The following AFG1L variants were observed in gnomAD, a reference collection of about 807,000 sequenced individuals.
AFG1L encodes the protein AFG1-like ATPase.
A neutral mutation model predicts 62.2 loss-of-function variants in AFG1L; 53 were observed. That is an observed-to-expected ratio of 0.85 (90% CI 0.68 to 1.07). The LOEUF (loss-of-function observed/expected upper bound fraction) is 1.07, where lower values mean the gene tolerates loss of function less well. AFG1L is among the 50% of genes least tolerant of loss of function. The probability of loss-of-function intolerance (pLI) is 0.00; values close to 1 mark genes in which losing one functional copy is unlikely to be tolerated. For missense variants in AFG1L, 555 were observed against 590.5 expected (o/e 0.94, Z 0.62); for synonymous variants, 228 against 210.3 (o/e 1.08, Z -0.73).
chr6:108,413,874 C>A (rs1389242648), intron 7 of AFG1L, among the ~76,000 whole-genome samples: 1 of 151,876 alleles, frequency 6.6e-6, no homozygotes, highest in Non-Finnish European at 1.5e-5. Flanking sequence ...GAAGCAAGAG[C>A]AAACACATTC....
chr6:108,403,835 GTAAT>G (rs1189275783), intron 7 of AFG1L, among the ~76,000 whole-genome samples: 4 of 151,098 alleles, frequency 2.6e-5, no homozygotes, highest in South Asian at 2.1e-4. Flanking sequence ...TCTTTGGCCA[GTAAT>G]TAGTCATACT....
chr6:108,426,291 T>C (rs933793299), intron 7 of AFG1L, among the ~76,000 whole-genome samples: 1 of 152,152 alleles, frequency 6.6e-6, no homozygotes, highest in East Asian at 1.9e-4. Context: ...ATCTTGTGGG[T>C]AAATTTACTG....
At chr6:108,391,393 A>AT (rs1476152073) in intron 6 of AFG1L, among the ~76,000 whole-genome samples, 1 of 152,010 alleles carries the variant, frequency 6.6e-6, no homozygotes, top group Non-Finnish European at 1.5e-5. Context: ...GATGTTGAGC[A>AT]TTTTTTCATG....
At chr6:108,322,071 T>A (rs915862521) in intron 1 of AFG1L, among the ~76,000 whole-genome samples, 6 of 152,048 alleles carry the variant, frequency 3.9e-5, no homozygotes, top group Non-Finnish European at 7.4e-5. Flanking sequence ...CAAATTTTTT[T>A]TAAATTTGTT....
At chr6:108,433,579 G>A (rs533404210) in intron 7 of AFG1L, among the ~76,000 whole-genome samples, 7 of 149,640 alleles carry the variant, frequency 4.7e-5, no homozygotes, top group East Asian at 2.0e-4. Flanking sequence ...AAACCACCAC[G>A]CCCAGCCTTA....
intron 6 of AFG1L, among the ~76,000 whole-genome samples, chr6:108,382,513 G>A (rs1204892886): frequency 6.6e-6 from 1 of 152,110 alleles, no homozygotes; most frequent in Non-Finnish European, 1.5e-5. Context: ...TTATTTTAAT[G>A]CTTCTAGGGG....
At chr6:108,504,184 T>C (rs1774307297) in intron 10 of AFG1L, among the ~76,000 whole-genome samples, 1 of 152,236 alleles carries the variant, frequency 6.6e-6, no homozygotes, top group South Asian at 2.1e-4. Context: ...ATTCACAACT[T>C]GGCTAACTGT....
At chr6:108,326,286 G>C (rs1778040595) in intron 2 of AFG1L, among the ~76,000 whole-genome samples, 1 of 152,046 alleles carries the variant, frequency 6.6e-6, no homozygotes, top group Non-Finnish European at 1.5e-5. Context: ...TTGCCAGGCT[G>C]GTCTTGAACT....
chr6:108,390,749 A>G (rs1416603333), intron 6 of AFG1L, among the ~76,000 whole-genome samples: 1 of 152,190 alleles, frequency 6.6e-6, no homozygotes, highest in Non-Finnish European at 1.5e-5. Context: ...AGGGGTACCC[A>G]CTGTGTGAGG....
chr6:108,477,097 C>A, intron 9 of AFG1L, 95 bp from the exon 10 acceptor site: 1 of 988,644 alleles, frequency 1.0e-6, no homozygotes, highest in Non-Finnish European at 1.6e-6. Context: ...GAATCATGTG[C>A]TATTATTCAT....
rs553649991 is a variant in AFG1L, at chr6:108,489,618, G to T, written c.1062+12326G>T. 3.3e-5 allele frequency among the ~76,000 whole-genome samples: 5 copies of T among 152,302 alleles called. 1 individual carries two copies. The highest frequency in any genetic ancestry group is 3.3e-4 in the Admixed American group (5 of 15,296). On this transcript the variant is annotated intron_variant, in intron 10 of 12. Coordinates refer to ENST00000368977, the MANE Select transcript of AFG1L (RefSeq NM_145315.5). ...TGCCTCGAGGAGGGGCATGAACCAG[G>T]TATACTTGAGAGATTGCACGAAACA...
intron 10 of AFG1L, among the ~76,000 whole-genome samples, chr6:108,503,765 G>A (rs572467827): frequency 2.0e-5 from 3 of 152,214 alleles, no homozygotes; most frequent in Admixed American, 1.3e-4. Context: ...GTCACAGAGG[G>A]CATCTTCTTT....
intron 1 of AFG1L, among the ~76,000 whole-genome samples, chr6:108,312,907 G>A (rs1337272446): frequency 6.6e-6 from 1 of 152,000 alleles, no homozygotes; most frequent in Admixed American, 6.6e-5. Flanking sequence ...AAAGTGCTGG[G>A]ATTACAGGTA....
chr6:108,454,385 T>C (rs886659226), intron 8 of AFG1L, among the ~76,000 whole-genome samples: 23 of 152,182 alleles, frequency 1.5e-4, no homozygotes, highest in African/African-American at 5.1e-4. Flanking sequence ...TTTTGGCCTT[T>C]GAGGGCCCAT....
chr6:108,494,393 AT>A (rs1267063120), intron 10 of AFG1L, among the ~76,000 whole-genome samples: 1 of 151,650 alleles, frequency 6.6e-6, no homozygotes, highest in African/African-American at 2.4e-5. Context: ...TGTCACATTG[AT>A]TTTTTTGTTA....
chr6:108,418,390 A>G (rs1354846732), intron 7 of AFG1L, among the ~76,000 whole-genome samples: 4 of 152,208 alleles, frequency 2.6e-5, no homozygotes, highest in Admixed American at 2.0e-4. Context: ...AAAGCCTAAC[A>G]TATTTAGTAT....
chr6:108,447,780 A>G (rs1771878943), intron 8 of AFG1L, among the ~76,000 whole-genome samples: 1 of 152,192 alleles, frequency 6.6e-6, no homozygotes, highest in Non-Finnish European at 1.5e-5. Context: ...TTTAAAAGCT[A>G]AGATGCTCCT....
chr6:108,357,901 G>A (rs1169294886), intron 5 of AFG1L, among the ~76,000 whole-genome samples: 1 of 152,146 alleles, frequency 6.6e-6, no homozygotes, highest in East Asian at 1.9e-4. Context: ...GATTTATGAT[G>A]GAGGGGAAAG....
chr6:108,385,663 G>A (rs940185737), intron 6 of AFG1L, among the ~76,000 whole-genome samples: 8 of 152,106 alleles, frequency 5.3e-5, no homozygotes, highest in Non-Finnish European at 7.3e-5. Flanking sequence ...CTCTAGCGCC[G>A]CTGGGTTAGG....
Sources: gnomAD v4.1 joint callset for allele counts (sites outside exome capture counted in the v4.1 genomes callset) on GRCh38, gnomAD v4.1.1 for gene constraint, MANE v1.5 for transcripts, NCBI Gene and HGNC (gene_info 2026-07-23, HGNC 2026-07-21) for gene names.